Variants in SEMA6D observed in about 807,000 individuals in gnomAD.
The protein encoded by SEMA6D is semaphorin 6D, also known as semaphorin-6D.
SEMA6D carries 35 observed loss-of-function variants against 106.6 expected under a neutral mutation model. The ratio of observed to expected loss-of-function variants is 0.33; its 90% CI spans 0.25 to 0.44. The LOEUF (loss-of-function observed/expected upper bound fraction) is 0.44. Ranked by LOEUF, SEMA6D falls within the 20% of genes least tolerant of loss-of-function variation. The pLI is 1.00. For synonymous variants in SEMA6D, 499 were observed against 487.7 expected (o/e 1.02, Z -0.31); for missense variants, 1,185 against 1,345.9 (o/e 0.88, Z 1.87).
At chr15:47,457,546 C>T (rs1010142198) in intron 2 of SEMA6D, among the ~76,000 whole-genome samples, 1 of 151,810 alleles carries the variant, frequency 6.6e-6, no homozygotes, top group East Asian at 1.9e-4. Context: ...TAAAATATAA[C>T]TGCCCAAGAT....
chr15:47,602,002 A>G (rs1169005568), intron 4 of SEMA6D, among the ~76,000 whole-genome samples: 1 of 152,196 alleles, frequency 6.6e-6, no homozygotes, highest in Non-Finnish European at 1.5e-5. Context: ...ATAATAAAAT[A>G]CCAGATTTAC....
intron 3 of SEMA6D, among the ~76,000 whole-genome samples, chr15:47,577,185 G>C (rs1041511143): frequency 1.3e-5 from 2 of 152,214 alleles, no homozygotes; most frequent in Non-Finnish European, 2.9e-5. Context: ...CATGAAATAT[G>C]ATATTTACTT....
intron 1 of SEMA6D, among the ~76,000 whole-genome samples, chr15:47,187,947 G>C (rs944284044): frequency 1.3e-5 from 2 of 152,134 alleles, no homozygotes; most frequent in African/African-American, 2.4e-5. Flanking sequence ...AGTCCGAGCT[G>C]TGTAGTACAT....
chr15:47,730,635 T>C, intron 1 of SEMA6D: 1 of 1,590,986 alleles, frequency 6.3e-7, no homozygotes, highest in African/African-American at 1.3e-5. Context: ...GTCTCTGGTC[T>C]GTACTTGTGG....
At chr15:47,395,421 G>C (rs987708729) in intron 1 of SEMA6D, 2 of 152,226 alleles carry the variant, frequency 1.3e-5, no homozygotes, top group African/African-American at 4.8e-5. Context: ...CCAGAAGGCT[G>C]TGCTTAAGAC....
At chr15:47,294,618 G>T (rs1031394246) in intron 1 of SEMA6D, among the ~76,000 whole-genome samples, 1 of 152,150 alleles carries the variant, frequency 6.6e-6, no homozygotes, top group East Asian at 1.9e-4. Context: ...GGTAGGAAAA[G>T]AATAACTCTT....
At chr15:47,662,380 T>C (rs2077940682) in intron 4 of SEMA6D, among the ~76,000 whole-genome samples, 1 of 152,212 alleles carries the variant, frequency 6.6e-6, no homozygotes, top group South Asian at 2.1e-4. Flanking sequence ...CCATCTTCTT[T>C]GAGTGCACCA....
chr15:47,268,313 A>G (rs2034413377), intron 1 of SEMA6D, among the ~76,000 whole-genome samples: 1 of 152,162 alleles, frequency 6.6e-6, no homozygotes, highest in Non-Finnish European at 1.5e-5. Flanking sequence ...TGCTAATATT[A>G]TGTAAATCAC....
At chr15:47,670,196 C>A (rs1168704666) in intron 4 of SEMA6D, among the ~76,000 whole-genome samples, 1 of 152,176 alleles carries the variant, frequency 6.6e-6, no homozygotes, top group Admixed American at 6.5e-5. Flanking sequence ...CCTTAACTTC[C>A]CATAAATACT....
intron 1 of SEMA6D, among the ~76,000 whole-genome samples, chr15:47,375,374 C>T (rs933117438): frequency 6.6e-6 from 1 of 152,190 alleles, no homozygotes; most frequent in African/African-American, 2.4e-5. Context: ...CATTCCTCTT[C>T]CTTCTTTTAC....
intron 1 of SEMA6D, among the ~76,000 whole-genome samples, chr15:47,228,586 G>C (rs929921607): frequency 1.3e-5 from 2 of 151,966 alleles, no homozygotes; most frequent in South Asian, 4.1e-4. Context: ...CTCAGATGTA[G>C]CTTCCTCCTT....
At chr15:47,765,779 C>T (rs1597077581) in intron 13 of SEMA6D, 90 bp from the exon 14 acceptor site, 1 of 1,246,416 alleles carries the variant, frequency 8.0e-7, no homozygotes, top group Non-Finnish European at 1.1e-6. Flanking sequence ...CAAGAATATT[C>T]CTTATGATTT....
chr15:47,646,373 A>G (rs1446860573), intron 4 of SEMA6D, among the ~76,000 whole-genome samples: 3 of 152,198 alleles, frequency 2.0e-5, no homozygotes, highest in African/African-American at 7.2e-5. Context: ...GATGTTTGAG[A>G]TCATAGTGCC....
chr15:47,202,803 C>A (rs1380257278), intron 1 of SEMA6D, among the ~76,000 whole-genome samples: 2 of 152,122 alleles, frequency 1.3e-5, no homozygotes, highest in Non-Finnish European at 2.9e-5. Flanking sequence ...ATTGAGGTTG[C>A]TTCAGACCCT....
intron 4 of SEMA6D, among the ~76,000 whole-genome samples, chr15:47,646,737 C>CT: frequency 6.6e-6 from 1 of 152,292 alleles, no homozygotes; most frequent in South Asian, 2.1e-4. Flanking sequence ...AAGGAAATGA[C>CT]TGCTTGTGTG....
At chr15:47,740,514 G>A (rs596387) in intron 1 of SEMA6D, among the ~76,000 whole-genome samples, 32,231 of 151,924 alleles carry the variant, frequency 0.21, 3,934 homozygotes, top group South Asian at 0.32. Context: ...GCAAGACTCC[G>A]TCTCAAAAAA....
intron 4 of SEMA6D, among the ~76,000 whole-genome samples, chr15:47,632,736 A>G (rs1244382693): frequency 6.6e-6 from 1 of 151,850 alleles, no homozygotes; most frequent in Non-Finnish European, 1.5e-5. Flanking sequence ...GCCAGTCTTT[A>G]TCTTCTGATT....
At chr15:47,577,326 G>T (rs2076172889) in intron 3 of SEMA6D, among the ~76,000 whole-genome samples, 1 of 152,202 alleles carries the variant, frequency 6.6e-6, no homozygotes, top group Non-Finnish European at 1.5e-5. Flanking sequence ...TTTACTAGAA[G>T]ACCAAGCTAA....
intron 1 of SEMA6D, among the ~76,000 whole-genome samples, chr15:47,276,618 GA>G (rs2034828594): frequency 6.6e-6 from 1 of 152,064 alleles, no homozygotes; most frequent in Non-Finnish European, 1.5e-5. Flanking sequence ...CTACTGCTCA[GA>G]AAAAAAGATT....
Sources: allele counts gnomAD v4.1 joint callset (sites outside exome capture counted in the v4.1 genomes callset), GRCh38; gene constraint gnomAD v4.1.1; transcripts MANE v1.5; gene names NCBI Gene and HGNC (gene_info 2026-07-23, HGNC 2026-07-21).